The following DPP10 variants were observed in gnomAD, a reference collection of about 807,000 sequenced individuals.
The protein encoded by DPP10 is inactive dipeptidyl peptidase 10.
In DPP10, 33 loss-of-function variants were observed where a neutral mutation model predicts 120.9. That is an observed-to-expected ratio of 0.27 (90% CI 0.21 to 0.37). The LOEUF (loss-of-function observed/expected upper bound fraction) is 0.37. Among genes scored for constraint, DPP10 ranks in the 10% least tolerant of loss-of-function variants. The pLI is 1.00. For missense variants in DPP10, 816 were observed against 942.8 expected (o/e 0.87, Z 1.76); for synonymous variants, 337 against 326.1 (o/e 1.03, Z -0.36).
At chr2:114,637,952 T>A (rs1329989481) in intron 1 of DPP10, among the ~76,000 whole-genome samples, 2 of 151,918 alleles carry the variant, frequency 1.3e-5, no homozygotes, top group African/African-American at 4.9e-5. Context: ...TGCTTAGGAA[T>A]ACTTTGGCTA....
At chr2:115,729,150 A>G (rs2092837648) in intron 8 of DPP10, among the ~76,000 whole-genome samples, 1 of 152,204 alleles carries the variant, frequency 6.6e-6, no homozygotes, top group Non-Finnish European at 1.5e-5. Flanking sequence ...TGAGAGTTAC[A>G]GAATCTAAAT....
chr2:114,544,699 TTAAG>T (rs147107594), intron 1 of DPP10, among the ~76,000 whole-genome samples: 4,610 of 151,994 alleles, frequency 0.03, 186 homozygotes, highest in African/African-American at 0.099. Context: ...AGCGTAATAA[TTAAG>T]TGCTCAATTT....
intron 1 of DPP10, among the ~76,000 whole-genome samples, chr2:114,446,142 ATGGGT>A (rs1677932009): frequency 6.6e-6 from 1 of 152,200 alleles, no homozygotes; most frequent in South Asian, 2.1e-4. Flanking sequence ...GTCCCCCACC[ATGGGT>A]AGCAAACTTG....
chr2:115,653,366 A>G (rs1380054546), intron 5 of DPP10, among the ~76,000 whole-genome samples: 1 of 151,994 alleles, frequency 6.6e-6, no homozygotes, highest in Non-Finnish European at 1.5e-5. Context: ...TAACGCTAGC[A>G]TTTTATATTT....
chr2:115,333,042 T>C (rs1294823679), intron 2 of DPP10, among the ~76,000 whole-genome samples: 2 of 152,154 alleles, frequency 1.3e-5, no homozygotes, highest in Non-Finnish European at 2.9e-5. Flanking sequence ...TTCCCATTAA[T>C]ATTGTGTGGG....
In DPP10 at chr2:115,088,572, A is replaced by T. The variant is rs1708927421; in HGVS notation, c.61-220667A>T. On this transcript the variant is annotated intron_variant, in intron 1 of 25. Transcript: ENST00000410059. Reference sequence around the variant, plus strand: ...CAAGGGATCCTCCCACCTCAGCCTCAGCTGGGAATACACATGGGCATCACC... The same window carrying T: ...CAAGGGATCCTCCCACCTCAGCCTCTGCTGGGAATACACATGGGCATCACC... 2.0e-5 allele frequency among the ~76,000 whole-genome samples: 3 copies of T among 151,896 alleles called. No homozygotes were observed. The South Asian group carries it at 6.2e-4, about 32-fold the overall frequency.
At chr2:115,714,820 G>A (rs917542742) in intron 7 of DPP10, among the ~76,000 whole-genome samples, 3 of 152,106 alleles carry the variant, frequency 2.0e-5, no homozygotes, top group African/African-American at 7.2e-5. Flanking sequence ...ACGAGGTCAG[G>A]AGTTCAAGAC....
chr2:115,056,180 C>T (rs778371227), intron 1 of DPP10, among the ~76,000 whole-genome samples: 62 of 152,104 alleles, frequency 4.1e-4, no homozygotes, highest in African/African-American at 8.4e-4. Flanking sequence ...AAACAACATC[C>T]GGGGGTTGGA....
chr2:115,684,777 G>GA (rs991969069), intron 5 of DPP10, among the ~76,000 whole-genome samples: 2 of 151,298 alleles, frequency 1.3e-5, no homozygotes, highest in Admixed American at 6.6e-5. Flanking sequence ...GATATTCCAA[G>GA]AAAAAAAATT....
At chr2:114,984,323 T>C (rs1487581073) in intron 1 of DPP10, among the ~76,000 whole-genome samples, 3 of 152,154 alleles carry the variant, frequency 2.0e-5, no homozygotes, top group South Asian at 2.1e-4. Context: ...AGAATGGGGC[T>C]AGTCTGGGGC....
intron 1 of DPP10, among the ~76,000 whole-genome samples, chr2:114,655,427 G>A (rs1573896940): frequency 6.6e-6 from 1 of 152,168 alleles, no homozygotes; most frequent in Non-Finnish European, 1.5e-5. Context: ...CATGAAAGAG[G>A]CAGTTAAGGC....
At chr2:115,084,743 G>T (rs2104516748) in intron 1 of DPP10, among the ~76,000 whole-genome samples, 1 of 152,224 alleles carries the variant, frequency 6.6e-6, no homozygotes, top group African/African-American at 2.4e-5. Flanking sequence ...CTCTCCGCCA[G>T]TTTGTGGTCC....
At chr2:115,106,378 G>T (rs773225205) in intron 1 of DPP10, among the ~76,000 whole-genome samples, 1 of 152,156 alleles carries the variant, frequency 6.6e-6, no homozygotes, top group African/African-American at 2.4e-5. Context: ...CTTTATGCAC[G>T]AATTAGAAAT....
rs148083268 is a variant in DPP10, at chr2:114,608,033, G to A, written c.60+165195G>A. On this transcript the variant is annotated intron_variant, in intron 1 of 25. Transcript: ENST00000410059. ...TTTCATCCACTTTCCATCTCATTAG[G>A]CTTTCAGCCATCCCTGCAAATAGCA... Among the ~76,000 whole-genome samples the A allele has an allele frequency of 7.0e-4, 106 of 152,240 alleles. 2 individuals are homozygous for A. In the East Asian group the frequency reaches 0.02, roughly 28 times the overall value.
intron 1 of DPP10, among the ~76,000 whole-genome samples, chr2:115,267,986 AATAG>A (rs1249799784): frequency 2.0e-5 from 3 of 152,196 alleles, no homozygotes; most frequent in Non-Finnish European, 4.4e-5. Flanking sequence ...GCAGACACCA[AATAG>A]ATAGTTACAC....
At chr2:114,884,088 T>C (rs1173266663) in intron 1 of DPP10, among the ~76,000 whole-genome samples, 5 of 152,198 alleles carry the variant, frequency 3.3e-5, no homozygotes, top group Non-Finnish European at 5.9e-5. Flanking sequence ...TAAATTAACT[T>C]GGCTCTTTTT....
intron 1 of DPP10, among the ~76,000 whole-genome samples, chr2:115,083,700 T>C (rs1305928608): frequency 6.6e-6 from 1 of 152,204 alleles, no homozygotes; most frequent in African/African-American, 2.4e-5. Flanking sequence ...TTTGCTACAG[T>C]GAATTTGGCA....
In DPP10 at chr2:114,996,105, A is replaced by G. The variant is rs2104963259; in HGVS notation, c.61-313134A>G. Among the ~76,000 whole-genome samples, 2 of 152,328 alleles carry G rather than the reference A, an allele frequency of 1.3e-5. 1 individual carries two copies. The highest frequency in any genetic ancestry group is 4.1e-4 in the South Asian group (2 of 4,826). ...TGCAAGGATGTTTCTCTAAGCTGCT[A>G]GTCCAAAAGTAATAAACATCAAGCT... On this transcript the variant is annotated intron_variant, in intron 1 of 25. Transcript: ENST00000410059.
intron 3 of DPP10, among the ~76,000 whole-genome samples, chr2:115,376,191 G>C (rs1033060113): frequency 2.0e-5 from 3 of 152,054 alleles, no homozygotes; most frequent in African/African-American, 7.2e-5. Flanking sequence ...TTAAGGAATT[G>C]CTTCTCTTGT....
Sources: allele counts gnomAD v4.1 joint callset (sites outside exome capture counted in the v4.1 genomes callset), GRCh38; gene constraint gnomAD v4.1.1; transcripts MANE v1.5; gene names NCBI Gene and HGNC (gene_info 2026-07-23, HGNC 2026-07-21).